Variants in PPP2R2A observed in about 807,000 individuals in gnomAD.
PPP2R2A encodes serine/threonine-protein phosphatase 2A 55 kDa regulatory subunit B alpha isoform.
Under a neutral mutation model 53.2 loss-of-function variants are expected in PPP2R2A, and 9 were observed. That is an observed-to-expected ratio of 0.17 (90% CI 0.10 to 0.30). The LOEUF is 0.30. Ranked by LOEUF, PPP2R2A falls within the 10% of genes least tolerant of loss-of-function variation. The pLI, the probability that PPP2R2A is intolerant of heterozygous loss-of-function variation, is 1.00. For missense variants in PPP2R2A, 235 were observed against 534.6 expected (o/e 0.44, Z 5.53); for synonymous variants, 169 against 174.2 (o/e 0.97, Z 0.23).
At chr8:26,330,510 T>A (rs73217705) in intron 2 of PPP2R2A, among the ~76,000 whole-genome samples, 4 of 151,918 alleles carry the variant, frequency 2.6e-5, no homozygotes, top group African/African-American at 7.2e-5. Context: ...TTTGTTTTTT[T>A]AGTAGAGACA....
chr8:26,314,326 A>C (rs891702195), intron 2 of PPP2R2A, among the ~76,000 whole-genome samples: 1 of 152,188 alleles, frequency 6.6e-6, no homozygotes, highest in Non-Finnish European at 1.5e-5. Flanking sequence ...GCGTGCTTCA[A>C]TCTGGGCAGT....
rs1361629215 is a variant in PPP2R2A, at chr8:26,360,700, T to C, written c.460-274T>C. On this transcript the variant is annotated intron_variant, in intron 5 of 9. Transcript: ENST00000380737. This position sits in a 1 kb window ranked among gnomAD's most constrained non-coding sequence, Gnocchi z 4.5. ...CTTTAATCTGAACCATAAACATTTA[T>C]TAGCTTGGCATGTCTTTCAAGCAAA... 2 of 397,054 alleles carry C rather than the reference T, an allele frequency of 5.0e-6. No homozygotes were observed. The highest frequency in any genetic ancestry group is 5.6e-5 in the South Asian group (1 of 17,742). The allele number at this position is 397,054 out of a possible 1,614,324, so 24.6% of individuals were successfully genotyped here.
intron 2 of PPP2R2A, among the ~76,000 whole-genome samples, chr8:26,326,545 T>G (rs1409842853): frequency 6.6e-6 from 1 of 152,242 alleles, no homozygotes; most frequent in Admixed American, 6.5e-5. Context: ...TGAAGTGCTT[T>G]CTGATTCTTA....
At chr8:26,312,710 C>T (rs1439136309) in intron 2 of PPP2R2A, among the ~76,000 whole-genome samples, 4 of 152,204 alleles carry the variant, frequency 2.6e-5, no homozygotes, top group Non-Finnish European at 2.9e-5. Flanking sequence ...TAAGACCTTA[C>T]TATACTTAGC....
chr8:26,291,901 C>G, intron 1 of PPP2R2A, 75 bp downstream of exon 1: 1 of 1,582,422 alleles, frequency 6.3e-7, no homozygotes, highest in Non-Finnish European at 8.6e-7. Context: ...CCCTAGCGAC[C>G]GCCCGCGCCT....
chr8:26,370,471 G>A lies in PPP2R2A; in HGVS notation c.*58G>A, dbSNP rs1805613067. The A allele has an allele frequency of 6.4e-7, 1 of 1,565,756 alleles. No individual in the cohort carries two copies. The highest frequency in any genetic ancestry group is 1.2e-5 in the South Asian group (1 of 86,740). Reference sequence around the variant, plus strand: ...TGCTTAGTTGAGATAGTTGAATCTAGCATTCGTTCCTATAAAAGAGAGAGG... The same window carrying A: ...TGCTTAGTTGAGATAGTTGAATCTAACATTCGTTCCTATAAAAGAGAGAGG... On this transcript the variant is annotated 3_prime_UTR_variant, in exon 10 of 10. Transcript: ENST00000380737. This position sits in a 1 kb window ranked among gnomAD's most constrained non-coding sequence, Gnocchi z 6.1.
intron 2 of PPP2R2A, among the ~76,000 whole-genome samples, chr8:26,335,370 A>T (rs895610527): frequency 7.9e-5 from 12 of 152,186 alleles, no homozygotes; most frequent in Non-Finnish European, 1.5e-4. Context: ...TCTTTTGTTT[A>T]AGGGAGAAAG....
chr8:26,368,370 G>A (rs1391095273), intron 9 of PPP2R2A, among the ~76,000 whole-genome samples: 7 of 152,122 alleles, frequency 4.6e-5, no homozygotes, highest in Admixed American at 4.6e-4. Flanking sequence ...TTGAACCATT[G>A]GTAAGCAGCG....
chr8:26,347,526 T>C (rs1804283025), intron 3 of PPP2R2A, among the ~76,000 whole-genome samples: 1 of 152,150 alleles, frequency 6.6e-6, no homozygotes, highest in Admixed American at 6.5e-5. Flanking sequence ...AGAACAGATA[T>C]TCTAGCTAGT....
Position 26,372,552 on chromosome 8 carries a change from T to TA in PPP2R2A, c.*2142dup, listed in dbSNP as rs1805699833. On this transcript the variant is annotated 3_prime_UTR_variant, in exon 10 of 10. Transcript: ENST00000380737. ...ATGCCTCTATCAAGGAATGCTATTA[T>TA]AAATTATTGTTAACATTCTCAAGTA... 6.6e-6 allele frequency: 1 copy of TA among 152,256 alleles called. No individual in the cohort carries two copies. The highest frequency in any genetic ancestry group is 2.4e-5 in the African/African-American group (1 of 41,474). The allele number at this position is 152,256 out of a possible 1,614,324, so 9.4% of individuals were successfully genotyped here.
At chr8:26,297,374 C>T (rs983071218) in intron 2 of PPP2R2A, among the ~76,000 whole-genome samples, 1 of 152,154 alleles carries the variant, frequency 6.6e-6, no homozygotes, top group African/African-American at 2.4e-5. Flanking sequence ...TCCCAAAGTG[C>T]TGAGATTACA....
chr8:26,313,027 CAT>C (rs1802363941), intron 2 of PPP2R2A, among the ~76,000 whole-genome samples: 1 of 151,322 alleles, frequency 6.6e-6, no homozygotes, highest in Admixed American at 6.6e-5. Flanking sequence ...TGTTTATTTT[CAT>C]ATTTCTTTTT....
At position 26,291,829 on chromosome 8, in the gene PPP2R2A, A is replaced by G; in HGVS notation, c.7+3A>G. On this transcript the variant is annotated splice_donor_region_variant and intron_variant, in intron 1 of 9. Coordinates refer to ENST00000380737, the MANE Select transcript of PPP2R2A (RefSeq NM_002717.4). ...CCATTTGCAGCGCAACATGGCAGGT[A>G]AAGGAGAAATCCCCCTCGCCCCCTG... 6.2e-6 allele frequency: 10 copies of G among 1,608,980 alleles called. No homozygotes were observed. Among genetic ancestry groups the G allele is most frequent in the Non-Finnish European group, 7.6e-6 (9 of 1,178,078 alleles).
rs573793478 is a variant in PPP2R2A at position 26,291,573 on chromosome 8, T to C, written c.-247T>C. 443 of 541,502 alleles carry C rather than the reference T, an allele frequency of 8.2e-4. 2 individuals are homozygous for C. The highest frequency in any genetic ancestry group is 7.8e-3 in the African/African-American group (389 of 49,712). The allele number at this position is 541,502 out of a possible 1,614,324, so 33.5% of individuals were successfully genotyped here. On this transcript the variant is annotated 5_prime_UTR_variant, in exon 1 of 10. Coordinates refer to ENST00000380737, the MANE Select transcript of PPP2R2A (RefSeq NM_002717.4). The stretch of plus-strand genomic sequence containing the variant: ...CTGCCGCTGCCGCCGCCGCCGTCGC[T>C]GTCGTAGTCGCCGCCGCCGCTGCCG...
At chr8:26,328,535 GC>G (rs1803209552) in intron 2 of PPP2R2A, among the ~76,000 whole-genome samples, 1 of 152,152 alleles carries the variant, frequency 6.6e-6, no homozygotes, top group Admixed American at 6.6e-5. Flanking sequence ...TATGCAAATA[GC>G]TATCAAATAC....
intron 2 of PPP2R2A, among the ~76,000 whole-genome samples, chr8:26,319,432 C>T (rs565550753): frequency 5.8e-4 from 88 of 152,236 alleles, no homozygotes; most frequent in Middle Eastern, 3.4e-3. Flanking sequence ...ACCAGCAATA[C>T]GCAAGGGTTT....
chr8:26,326,951 G>C (rs1298905787), intron 2 of PPP2R2A, among the ~76,000 whole-genome samples: 1 of 152,206 alleles, frequency 6.6e-6, no homozygotes, highest in African/African-American at 2.4e-5. Flanking sequence ...GTTCTTGGTT[G>C]CAGTAGGATA....
intron 2 of PPP2R2A, among the ~76,000 whole-genome samples, chr8:26,294,586 CAAACA>C (rs1365385720): frequency 6.6e-6 from 1 of 152,052 alleles, no homozygotes; most frequent in Non-Finnish European, 1.5e-5. Flanking sequence ...AGGAATTTTC[CAAACA>C]AAACTCAGAT....
chr8:26,366,118 GAAAA>G, intron 8 of PPP2R2A, 193 bp from the exon 9 acceptor site: 2 of 480,792 alleles, frequency 4.2e-6, no homozygotes, highest in Non-Finnish European at 7.2e-6. Flanking sequence ...ATACCAGTAG[GAAAA>G]TGTACCTCCC....
Sources: allele counts gnomAD v4.1 joint callset (sites outside exome capture counted in the v4.1 genomes callset), GRCh38; gene constraint gnomAD v4.1.1; non-coding constraint Gnocchi (gnomAD v3.1); transcripts MANE v1.5; gene names NCBI Gene and HGNC (gene_info 2026-07-23, HGNC 2026-07-21).